The following ZHX2 variants were observed in gnomAD, a reference collection of about 807,000 sequenced individuals.
ZHX2 encodes the protein zinc fingers and homeoboxes 2, also known as zinc fingers and homeoboxes protein 2.
In ZHX2, 6 loss-of-function variants were observed where a neutral mutation model predicts 21.9. The observed-to-expected ratio is 0.27, with a 90% CI of 0.15 to 0.54. ZHX2 has a LOEUF of 0.54. Among genes scored for constraint, ZHX2 ranks in the 20% least tolerant of loss-of-function variants. The probability of loss-of-function intolerance (pLI) is 0.95; values close to 1 mark genes in which losing one functional copy is unlikely to be tolerated. For synonymous variants in ZHX2, 434 were observed against 437.1 expected (o/e 0.99, Z 0.09); for missense variants, 908 against 1,090.7 (o/e 0.83, Z 2.36).
chr8:122,786,367 A>T (rs1480609755), intron 1 of ZHX2, among the ~76,000 whole-genome samples: 1 of 152,130 alleles, frequency 6.6e-6, no homozygotes, highest in East Asian at 1.9e-4. Flanking sequence ...CCAGCACCAG[A>T]TTCCCCAGGC....
intron 2 of ZHX2, among the ~76,000 whole-genome samples, chr8:122,919,409 C>T (rs529391370): frequency 1.3e-5 from 2 of 152,280 alleles, no homozygotes; most frequent in South Asian, 2.1e-4. Flanking sequence ...TGGTGGGGAG[C>T]GTGACCGTCA....
chr8:122,820,405 G>A (rs1177387138), intron 1 of ZHX2, among the ~76,000 whole-genome samples: 1 of 152,202 alleles, frequency 6.6e-6, no homozygotes, highest in Non-Finnish European at 1.5e-5. Flanking sequence ...CTGGCAGGCG[G>A]CCTGGAAAAA....
intron 2 of ZHX2, among the ~76,000 whole-genome samples, chr8:122,925,620 G>A (rs985050536): frequency 6.6e-6 from 1 of 152,168 alleles, no homozygotes; most frequent in African/African-American, 2.4e-5. Context: ...GCAAGAGGTT[G>A]GCCTTTGATA....
At chr8:122,794,274 C>CT (rs35074286) in intron 1 of ZHX2, among the ~76,000 whole-genome samples, 1,989 of 147,946 alleles carry the variant, frequency 0.013, 23 homozygotes, top group Non-Finnish European at 0.018. Context: ...TTTTTTCCAT[C>CT]TTTTTTTTTT....
chr8:122,861,998 C>G (rs903342375), intron 1 of ZHX2, among the ~76,000 whole-genome samples: 5 of 152,214 alleles, frequency 3.3e-5, no homozygotes, highest in African/African-American at 1.2e-4. Flanking sequence ...CTGGGATTAA[C>G]TGCAGAAGCT....
At position 122,820,680 on chromosome 8, in the gene ZHX2, T is replaced by G. The variant is rs1818126948; in HGVS notation, c.-283+38734T>G. On this transcript the variant is annotated intron_variant, in intron 1 of 3. Coordinates refer to ENST00000314393, the MANE Select transcript of ZHX2 (RefSeq NM_014943.5). Reference sequence around the variant, plus strand: ...TTGGGGTGGCAGAATGACTCCTGATTTTATGCATTTTTATAAGCTGAATAA... The same window carrying G: ...TTGGGGTGGCAGAATGACTCCTGATGTTATGCATTTTTATAAGCTGAATAA... Among the ~76,000 whole-genome samples, 3 of 152,184 alleles carry G rather than the reference T, an allele frequency of 2.0e-5. No individual in the cohort carries two copies. The South Asian group carries it at 6.2e-4, about 32-fold the overall frequency.
Position 122,855,593 on chromosome 8 carries a change from T to G in ZHX2, c.-282-7884T>G, listed in dbSNP as rs533804429. On this transcript the variant is annotated intron_variant, in intron 1 of 3. Transcript: ENST00000314393. ...GTGACTTGACAAATTTGGAATGTGT[T>G]AGGGAGAGAGAGTTTTTCCAGCTAT... Among the ~76,000 whole-genome samples the G allele has an allele frequency of 8.9e-4, 136 of 152,178 alleles. No individual in the cohort carries two copies. The South Asian group carries it at 9.4e-3, about 10-fold the overall frequency.
At chr8:122,822,689 A>G (rs1038983443) in intron 1 of ZHX2, among the ~76,000 whole-genome samples, 4 of 152,212 alleles carry the variant, frequency 2.6e-5, no homozygotes, top group Non-Finnish European at 5.9e-5. Flanking sequence ...CTCTCTGGGT[A>G]GACTCTTCCC....
rs752624411 is a variant in ZHX2 at position 122,953,592 on chromosome 8, C to T, written c.2082C>T (p.Tyr694=). 1 of 1,614,148 alleles carries T rather than the reference C, an allele frequency of 6.2e-7. No homozygotes were observed. Among genetic ancestry groups the T allele is most frequent in the Non-Finnish European group, 8.5e-7 (1 of 1,180,038 alleles). Residue 694 remains tyrosine, a synonymous_variant, in exon 3 of 4, where the codon TAC becomes TAT. Coordinates refer to ENST00000314393, the MANE Select transcript of ZHX2 (RefSeq NM_014943.5). This position sits in a 1 kb window ranked among gnomAD's most constrained non-coding sequence, Gnocchi z 4.6. ...GAACCGTGAAGTGGATGGAGCAGTA[C>T]CAGCACCAGCCCATGGCAGATGATC... ...KTGTVKWMEQ[Y]QHQPMADDHG... is the part of the protein sequence containing the mutation.
chr8:122,957,049 A>G (rs1324954016), intron 3 of ZHX2, among the ~76,000 whole-genome samples: 1 of 152,194 alleles, frequency 6.6e-6, no homozygotes, highest in Admixed American at 6.5e-5. Flanking sequence ...TCGCCTGAAT[A>G]GCAGAGGTCG....
At chr8:122,848,640 G>A (rs1022544721) in intron 1 of ZHX2, among the ~76,000 whole-genome samples, 9 of 152,088 alleles carry the variant, frequency 5.9e-5, no homozygotes, top group African/African-American at 2.2e-4. Flanking sequence ...CCAGGCAGGG[G>A]GTCAGGGAGG....
intron 3 of ZHX2, among the ~76,000 whole-genome samples, chr8:122,972,340 C>T (rs1813745247): frequency 6.6e-6 from 1 of 152,166 alleles, no homozygotes; most frequent in Non-Finnish European, 1.5e-5. Context: ...GGTCCTTGGA[C>T]TATTTTCATT....
chr8:122,833,914 G>T (rs1393329036), intron 1 of ZHX2, among the ~76,000 whole-genome samples: 1 of 151,480 alleles, frequency 6.6e-6, no homozygotes, highest in Non-Finnish European at 1.5e-5. Context: ...GGAGAATGGC[G>T]TGAACCCGGG....
intron 2 of ZHX2, among the ~76,000 whole-genome samples, chr8:122,934,582 T>A (rs1326888086): frequency 6.6e-6 from 1 of 152,198 alleles, no homozygotes; most frequent in Non-Finnish European, 1.5e-5. Context: ...TCTCCCTTCA[T>A]GGCATTTGGG....
At chr8:122,896,414 G>A (rs16897614) in intron 2 of ZHX2, among the ~76,000 whole-genome samples, 7,455 of 152,170 alleles carry the variant, frequency 0.049, 598 homozygotes, top group African/African-American at 0.17. Flanking sequence ...CACAATGATG[G>A]AAGTAACTGG....
intron 2 of ZHX2, among the ~76,000 whole-genome samples, chr8:122,931,978 G>C (rs1821004769): frequency 6.6e-6 from 1 of 152,228 alleles, no homozygotes; most frequent in African/African-American, 2.4e-5. Flanking sequence ...AGTACGAGCT[G>C]GTGCGTGACT....
intron 1 of ZHX2, among the ~76,000 whole-genome samples, chr8:122,786,932 A>G (rs562520791): frequency 9.7e-4 from 147 of 152,216 alleles, no homozygotes; most frequent in Non-Finnish European, 1.5e-3. Flanking sequence ...AGATTATTTC[A>G]TTTTGAACTG....
intron 1 of ZHX2, among the ~76,000 whole-genome samples, chr8:122,847,656 G>A (rs567596319): frequency 1.2e-4 from 18 of 152,312 alleles, no homozygotes; most frequent in African/African-American, 3.8e-4. Context: ...TTCGCACATG[G>A]GGGATGTGCT....
At chr8:122,963,118 T>A (rs1410376071) in intron 3 of ZHX2, among the ~76,000 whole-genome samples, 3 of 152,238 alleles carry the variant, frequency 2.0e-5, no homozygotes, top group Non-Finnish European at 2.9e-5. Context: ...AGAAGCTTTT[T>A]AGTTTAATTA....
Sources: allele counts gnomAD v4.1 joint callset (sites outside exome capture counted in the v4.1 genomes callset), GRCh38; gene constraint gnomAD v4.1.1; non-coding constraint Gnocchi (gnomAD v3.1); transcripts MANE v1.5; gene names NCBI Gene and HGNC (gene_info 2026-07-23, HGNC 2026-07-21).